KLKB1: variants seen among roughly 807,000 people sequenced by gnomAD.
The protein encoded by KLKB1 is kallikrein B1, also known as plasma kallikrein.
KLKB1 carries 58 observed loss-of-function variants against 73.6 expected under a neutral mutation model. The observed-to-expected ratio is 0.79, with a 90% CI of 0.64 to 0.98. KLKB1 has a LOEUF of 0.98. KLKB1 is among the 50% of genes least tolerant of loss of function. The pLI, the probability that KLKB1 is intolerant of heterozygous loss-of-function variation, is 0.00. For missense variants in KLKB1, 737 were observed against 763.8 expected, an observed-to-expected ratio of 0.96 and a Z score of 0.41; for synonymous variants, 280 against 258.1, an observed-to-expected ratio of 1.08 and a Z score of -0.81.
intron 6 of KLKB1, among the ~76,000 whole-genome samples, chr4:186,241,025 A>G (rs139338307): frequency 1.1e-3 from 163 of 152,262 alleles, no homozygotes; most frequent in South Asian, 6.0e-3. Context: ...CAGTGAGTTC[A>G]CATGTGATTT....
intron 2 of KLKB1, among the ~76,000 whole-genome samples, chr4:186,214,387 G>A (rs1015181023): frequency 3.3e-5 from 5 of 152,208 alleles, no homozygotes; most frequent in Non-Finnish European, 7.3e-5. Flanking sequence ...GCGAGTTAGT[G>A]TGTGTCAGGT....
Position 186,256,191 on chromosome 4 carries a change from T to C in KLKB1, c.1585+104T>C, listed in dbSNP as rs1019462460. 1.2e-4 allele frequency: 87 copies of C among 734,514 alleles called. No homozygotes were observed. In the African/African-American group the frequency reaches 1.4e-3, roughly 12 times the overall value. 45.5% of individuals were successfully genotyped at this position (734,514 alleles called of 1,614,324 possible). A position where few individuals can be genotyped will look rare whatever the true frequency, so the allele number is the denominator to read the frequency against. ...TTTCTGTCTGAAATTATATCTAAAC[T>C]CTTTATCTTTCCTATCTATTTATTC... On this transcript the variant is annotated intron_variant, in intron 13 of 14. Coordinates refer to ENST00000264690, the MANE Select transcript of KLKB1 (RefSeq NM_000892.5).
intron 2 of KLKB1, chr4:186,212,800 G>A (rs1325490365): frequency 6.6e-6 from 1 of 152,174 alleles, no homozygotes; most frequent in African/African-American, 2.4e-5. Flanking sequence ...TTTAAGACAG[G>A]GGCGGTCTCA....
intron 6 of KLKB1, among the ~76,000 whole-genome samples, chr4:186,244,794 C>T (rs1338540032): frequency 6.6e-6 from 1 of 152,156 alleles, no homozygotes; most frequent in East Asian, 1.9e-4. Context: ...TTCAAAAGGC[C>T]ACGCTGTAAC....
At chr4:186,227,332 C>G (rs923535616), upstream of KLKB1, 1 of 152,202 alleles carries the variant, frequency 6.6e-6, no homozygotes, top group Non-Finnish European at 1.5e-5. Context: ...GCTAGAAACT[C>G]CTGTTCTGAC....
In KLKB1 at chr4:186,250,287, G is replaced by A; in HGVS notation, c.643G>A (p.Asp215Asn). 1 of 1,614,120 alleles carries A rather than the reference G, an allele frequency of 6.2e-7. No homozygotes were observed. The highest frequency in any genetic ancestry group is 8.5e-7 in the Non-Finnish European group (1 of 1,180,002). Residue 215 changes from aspartate to asparagine, a missense_variant, in exon 7 of 15, where the codon GAT (aspartate) becomes AAT (asparagine). Physicochemically the swap from Asp to Asn is conservative, Grantham distance 23. Transcript: ENST00000264690. Reference protein sequence around the residue: ...IFQHLAFSDVDVARVLTPDAF... With the variant: ...IFQHLAFSDVNVARVLTPDAF... ...CCAGCATCTTGCGTTCTCAGATGTG[G>A]ATGTTGCCAGGGTTCTCACTCCAGA...
chr4:186,212,575 G>C (rs542607316), intron 2 of KLKB1: 2 of 152,182 alleles, frequency 1.3e-5, no homozygotes, highest in Non-Finnish European at 2.9e-5. Context: ...TATTGGAAGA[G>C]ATTCCTCAGT....
chr4:186,256,062 C>G lies in KLKB1; in HGVS notation c.1560C>G (p.Thr520=). ...CAATTTATACCAACTGTTGGGTAACCGGATGGGGCTTCTCGAAGGAGAAAG... is the reference window on the plus strand; with the variant it reads ...CAATTTATACCAACTGTTGGGTAACGGGATGGGGCTTCTCGAAGGAGAAAG... The part of the protein sequence containing the change: ...TSTIYTNCWV[T]GWGFSKEKGE... Residue 520 remains threonine (T), a synonymous_variant, in exon 13 of 15, where the codon ACC becomes ACG. Transcript: ENST00000264690. 3.1e-6 allele frequency: 5 copies of G among 1,610,790 alleles called. No homozygotes were observed. The highest frequency in any genetic ancestry group is 4.2e-6 in the Non-Finnish European group (5 of 1,177,056).
upstream of KLKB1, among the ~76,000 whole-genome samples, chr4:186,223,050 G>A (rs112045646): frequency 3.8e-3 from 576 of 152,160 alleles, 1 homozygote; most frequent in African/African-American, 0.013. Context: ...TTACCCGTGC[G>A]CACATGCTCT....
At chr4:186,256,746 G>A (rs1739010485) in intron 13 of KLKB1, among the ~76,000 whole-genome samples, 1 of 152,170 alleles carries the variant, frequency 6.6e-6, no homozygotes, top group Non-Finnish European at 1.5e-5. Flanking sequence ...CGATATAGTT[G>A]TAAATTATAA....
chr4:186,251,195 C>G, intron 7 of KLKB1, 24 bp from the exon 8 acceptor site: 1 of 1,492,638 alleles, frequency 6.7e-7, no homozygotes, highest in East Asian at 2.3e-5. Flanking sequence ...TTCTTTCTCT[C>G]TTGCTTTTTT....
rs1737726285 is a variant in KLKB1, at chr4:186,236,950, A to G, written c.488+10A>G. 1.2e-6 allele frequency: 2 copies of G among 1,613,894 alleles called. No homozygotes were observed. Among genetic ancestry groups the G allele is most frequent in the East Asian group, 2.2e-5 (1 of 44,896 alleles). On this transcript the variant is annotated intron_variant, in intron 5 of 14. Transcript: ENST00000264690. ...ACAAGGCAGAGTACCGGTGAGTACA[A>G]TTCAAGGTGTGTGTTCTTTGTATTG...
chr4:186,225,478 G>A (rs972134067), upstream of KLKB1, among the ~76,000 whole-genome samples: 142 of 27,160 alleles, frequency 5.2e-3, 1 homozygote, highest in African/African-American at 0.045. Context: ...AGGCTGGAGT[G>A]CAGTGTGCAG....
chr4:186,236,884 C>T lies in KLKB1; in HGVS notation c.432C>T (p.Asn144=), dbSNP rs371821443. Residue 144 remains asparagine, a synonymous_variant, in exon 5 of 15, where the codon AAC becomes AAT. Coordinates refer to ENST00000264690, the MANE Select transcript of KLKB1 (RefSeq NM_000892.5). ...AATGCCAAAAAAGGTGCACCAGTAACATTCGCTGCCAGTTTTTTTCATATG... is the reference window on the plus strand; with the variant it reads ...AATGCCAAAAAAGGTGCACCAGTAATATTCGCTGCCAGTTTTTTTCATATG... The part of the protein sequence containing the change: ...VEECQKRCTS[N]IRCQFFSYAT... 1 of 1,614,006 alleles carries T rather than the reference C, an allele frequency of 6.2e-7. No individual in the cohort carries two copies. The highest frequency in any genetic ancestry group is 8.5e-7 in the Non-Finnish European group (1 of 1,179,972).
Position 186,236,821 on chromosome 4 carries a change from A to G in KLKB1, c.369A>G (p.Gly123=), listed in dbSNP as rs1374897589. 14 of 1,614,002 alleles carry G rather than the reference A, an allele frequency of 8.7e-6. No individual in the cohort carries two copies. The highest frequency in any genetic ancestry group is 1.3e-5 in the African/African-American group (1 of 74,996). The change falls in exon 5 of 15, where the codon GGA becomes GGG. Residue 123 remains glycine (G), a synonymous_variant. Coordinates refer to ENST00000264690, the MANE Select transcript of KLKB1 (RefSeq NM_000892.5). ...TTTATAAAGGAGTTGATATGAGAGG[A>G]GTCAATTTTAATGTGTCTAAGGTTA... ...RDIYKGVDMR[G]VNFNVSKVSS... is the part of the protein sequence containing the mutation.
At chr4:186,235,511 G>C (rs1337655423) in intron 4 of KLKB1, among the ~76,000 whole-genome samples, 1 of 152,132 alleles carries the variant, frequency 6.6e-6, no homozygotes, top group African/African-American at 2.4e-5. Flanking sequence ...CAGAAAAATA[G>C]GAAAGAGACT....
At chr4:186,245,650 G>A (rs1738290172) in intron 6 of KLKB1, among the ~76,000 whole-genome samples, 1 of 152,122 alleles carries the variant, frequency 6.6e-6, no homozygotes, top group Non-Finnish European at 1.5e-5. Flanking sequence ...TGTGTGTGCT[G>A]GAGATGTGGC....
At chr4:186,222,616 T>C (rs1737055265), upstream of KLKB1, among the ~76,000 whole-genome samples, 1 of 152,206 alleles carries the variant, frequency 6.6e-6, no homozygotes, top group Admixed American at 6.5e-5. Context: ...CATTAGCAAA[T>C]TGTTGTAGTT....
chr4:186,242,927 T>C (rs61000956), intron 6 of KLKB1, among the ~76,000 whole-genome samples: 51,974 of 104,586 alleles, frequency 0.5, 16,428 homozygotes, highest in African/African-American at 0.68. Flanking sequence ...AAGGCCGGTC[T>C]GTTATCGGAT....
Sources: gnomAD v4.1 joint callset for allele counts (sites outside exome capture counted in the v4.1 genomes callset) on GRCh38, gnomAD v4.1.1 for gene constraint, MANE v1.5 for transcripts, NCBI Gene and HGNC (gene_info 2026-07-23, HGNC 2026-07-21) for gene names.